BTAF1: variants seen among roughly 807,000 people sequenced by gnomAD.
BTAF1 encodes TATA-binding protein-associated factor 172.
Under a neutral mutation model 227.1 loss-of-function variants are expected in BTAF1, and 38 were observed. That is an observed-to-expected ratio of 0.17 (90% CI 0.13 to 0.22). The LOEUF (loss-of-function observed/expected upper bound fraction) is 0.22. Among genes scored for constraint, BTAF1 ranks in the 10% least tolerant of loss-of-function variants. The probability of loss-of-function intolerance (pLI) is 1.00; values close to 1 mark genes in which losing one functional copy is unlikely to be tolerated. For missense variants in BTAF1, 1,598 were observed against 2,204.0 expected (o/e 0.73, Z 5.51); for synonymous variants, 742 against 751.9 (o/e 0.99, Z 0.21).
In BTAF1 at chr10:91,982,599, A is replaced by C. The variant is rs1848146552; in HGVS notation, c.2061A>C (p.Ala687=). Residue 687 remains alanine, a synonymous_variant, in exon 18 of 38, where the codon GCA becomes GCC. Coordinates refer to ENST00000265990, the MANE Select transcript of BTAF1 (RefSeq NM_003972.3). ...ARMMAAKLLG[A]LCCCICDPGV... is the part of the protein sequence containing the mutation. ...TTCTCCCTCTTAGGTTGTTAGGAGC[A>C]CTTTGTTGCTGTATTTGTGATCCAG... 1 of 1,612,886 alleles carries C rather than the reference A, an allele frequency of 6.2e-7. No homozygotes were observed. The highest frequency in any genetic ancestry group is 1.3e-5 in the African/African-American group (1 of 74,868).
At chr10:92,015,042 A>G (rs1288756354) in intron 32 of BTAF1, among the ~76,000 whole-genome samples, 3 of 152,226 alleles carry the variant, frequency 2.0e-5, no homozygotes, top group Admixed American at 6.5e-5. Flanking sequence ...GTGCATGACT[A>G]TGTATCAGAG....
intron 34 of BTAF1, among the ~76,000 whole-genome samples, chr10:92,023,375 G>A (rs368178548): frequency 3.5e-4 from 53 of 152,270 alleles, no homozygotes; most frequent in African/African-American, 1.2e-3. Flanking sequence ...TAGTAGAAAG[G>A]AGAAATCATC....
At chr10:91,929,241 T>A (rs1844096813) in intron 1 of BTAF1, among the ~76,000 whole-genome samples, 1 of 152,266 alleles carries the variant, frequency 6.6e-6, no homozygotes, top group African/African-American at 2.4e-5. Context: ...TCATTGTATA[T>A]TGGCTAGTTA....
chr10:91,942,689 G>T, intron 4 of BTAF1, 121 bp downstream of exon 4: 2 of 1,140,484 alleles, frequency 1.8e-6, no homozygotes, highest in South Asian at 3.4e-5. Context: ...ATTAACTGAA[G>T]TTTGCAGGTG....
At position 91,942,415 on chromosome 10, in the gene BTAF1, C is replaced by T; in HGVS notation, c.254-7C>T. ...TGGTCAAATTAATATTTTTAAACCT[C>T]ATGTAGAACCTACTTCCGAAAGTTC... is the stretch of plus-strand genomic sequence containing the variant. On this transcript the variant is annotated splice_region_variant and splice_polypyrimidine_tract_variant and intron_variant, in intron 3 of 37. Transcript: ENST00000265990. The T allele has an allele frequency of 6.2e-7, 1 of 1,608,224 alleles. No individual in the cohort carries two copies. The highest frequency in any genetic ancestry group is 1.1e-5 in the South Asian group (1 of 90,922).
chr10:91,994,299 CA>C lies in BTAF1; in HGVS notation c.3200-222del, dbSNP rs58656336. 0.3 allele frequency among the ~76,000 whole-genome samples: 41,162 copies of C among 135,746 alleles called. 6,591 individuals carry two copies. The highest frequency in any genetic ancestry group is 0.41 in the Middle Eastern group (106 of 260). The allele number at this position is 135,746 out of a possible 152,430, so 89.1% of individuals were successfully genotyped here. A position where few individuals can be genotyped will look rare whatever the true frequency, so the allele number is the denominator to read the frequency against. On this transcript the variant is annotated intron_variant, in intron 22 of 37. Coordinates refer to ENST00000265990, the MANE Select transcript of BTAF1 (RefSeq NM_003972.3). Reference sequence around the variant, plus strand: ...TGGATGACAGAGCGAGACTCTGTCTCAAAAAAAAAAAAAATTGTTTTTAAAG... The same window carrying C: ...TGGATGACAGAGCGAGACTCTGTCTCAAAAAAAAAAAAATTGTTTTTAAAG...
chr10:91,987,896 C>T (rs555697465), intron 19 of BTAF1, among the ~76,000 whole-genome samples: 2 of 152,294 alleles, frequency 1.3e-5, no homozygotes, highest in South Asian at 2.1e-4. Context: ...AGGAATTCCC[C>T]ATCCCTAACC....
chr10:91,954,111 G>A (rs910203584), intron 6 of BTAF1, among the ~76,000 whole-genome samples: 1 of 152,116 alleles, frequency 6.6e-6, no homozygotes, highest in Non-Finnish European at 1.5e-5. Flanking sequence ...GAGGGCTGAG[G>A]ATCTCCAAAG....
At position 91,980,434 on chromosome 10, in the gene BTAF1, A is replaced by C. The variant is rs1315761129; in HGVS notation, c.1651-20A>C. 6.5e-7 allele frequency: 1 copy of C among 1,544,816 alleles called. No individual in the cohort carries two copies. Among genetic ancestry groups the C allele is most frequent in the Non-Finnish European group, 8.9e-7 (1 of 1,119,184 alleles). On this transcript the variant is annotated intron_variant, in intron 14 of 37. Transcript: ENST00000265990. ...CCAAGAATTATATGCTACAGCTTTT[A>C]ATTCTGTTTTTGTTTTCAGAACTCT... is the stretch of plus-strand genomic sequence containing the variant.
chr10:92,018,666 G>A (rs560397170), intron 33 of BTAF1, 117 bp from the exon 34 acceptor site: 53 of 915,204 alleles, frequency 5.8e-5, no homozygotes, highest in Non-Finnish European at 7.0e-5. Context: ...TGCCGAGCAA[G>A]AAGAGGGAGA....
At chr10:91,981,039 T>C (rs1261143207) in intron 15 of BTAF1, among the ~76,000 whole-genome samples, 1 of 152,176 alleles carries the variant, frequency 6.6e-6, no homozygotes, top group African/African-American at 2.4e-5. Flanking sequence ...AATGGCACTT[T>C]TGTACCTTTA....
At chr10:91,947,310 T>G (rs1845439004) in intron 4 of BTAF1, among the ~76,000 whole-genome samples, 1 of 152,222 alleles carries the variant, frequency 6.6e-6, no homozygotes, top group African/African-American at 2.4e-5. Context: ...TCAAGCTCAT[T>G]TACCTCTGTT....
intron 2 of BTAF1, among the ~76,000 whole-genome samples, chr10:91,936,679 G>C (rs1289369805): frequency 6.6e-6 from 1 of 152,146 alleles, no homozygotes; most frequent in Admixed American, 6.6e-5. Flanking sequence ...CAGGCTCCAC[G>C]TTCTTAGAAT....
At position 92,008,822 on chromosome 10, in the gene BTAF1, C is replaced by G; in HGVS notation, c.3814-7C>G. The G allele has an allele frequency of 6.3e-7, 1 of 1,575,664 alleles. No individual in the cohort carries two copies. The highest frequency in any genetic ancestry group is 8.6e-7 in the Non-Finnish European group (1 of 1,162,066). ...GTATTCACATTTATGATTTTTCTCT[C>G]TATCAGGATGGTGTGAACTGGTTAG... is the stretch of plus-strand genomic sequence containing the variant. On this transcript the variant is annotated splice_polypyrimidine_tract_variant and splice_region_variant and intron_variant, in intron 26 of 37. Transcript: ENST00000265990.
At chr10:91,959,303 T>C in intron 9 of BTAF1, 149 bp downstream of exon 9, 1 of 1,431,680 alleles carries the variant, frequency 7.0e-7, no homozygotes, top group Middle Eastern at 2.3e-4. Context: ...TACAATGGAT[T>C]GAAAAGTAGA....
At chr10:91,930,601 G>T (rs1844206023) in intron 1 of BTAF1, among the ~76,000 whole-genome samples, 1 of 152,088 alleles carries the variant, frequency 6.6e-6, no homozygotes. Context: ...CCCACAACAT[G>T]ACCTAGAAAG....
At chr10:92,023,602 C>T (rs745645595) in intron 34 of BTAF1, among the ~76,000 whole-genome samples, 1 of 152,110 alleles carries the variant, frequency 6.6e-6, no homozygotes, top group African/African-American at 2.4e-5. Context: ...GAGAATATCT[C>T]GAACCTAGGA....
At chr10:91,987,252 G>A (rs573075665) in intron 19 of BTAF1, among the ~76,000 whole-genome samples, 6 of 152,128 alleles carry the variant, frequency 3.9e-5, no homozygotes, top group Admixed American at 3.3e-4. Context: ...GGGAGGCCGA[G>A]GTGGGTGGAT....
At position 91,989,189 on chromosome 10, in the gene BTAF1, C is replaced by T. The variant is rs376603774; in HGVS notation, c.2463C>T (p.Phe821=). Residue 821 remains phenylalanine (F), a synonymous_variant, in exon 20 of 38, where the codon TTC becomes TTT. Transcript: ENST00000265990. ...TTVFNEATSS[F]DLNPQVLQQL... ...TTTTTAATGAAGCCACATCATCTTTCGATTTAAATCCTCAAGTGTTACAAC... is the reference window on the plus strand; with the variant it reads ...TTTTTAATGAAGCCACATCATCTTTTGATTTAAATCCTCAAGTGTTACAAC... The T allele has an allele frequency of 1.5e-5, 25 of 1,612,932 alleles. No individual in the cohort carries two copies. The highest frequency in any genetic ancestry group is 1.9e-5 in the Non-Finnish European group (22 of 1,179,494).
Sources: gnomAD v4.1 joint callset for allele counts (sites outside exome capture counted in the v4.1 genomes callset) on GRCh38, gnomAD v4.1.1 for gene constraint, MANE v1.5 for transcripts, NCBI Gene and HGNC (gene_info 2026-07-23, HGNC 2026-07-21) for gene names.